Variants in PPP2R2C observed in about 807,000 individuals in gnomAD.
PPP2R2C encodes the protein protein phosphatase 2 regulatory subunit Bgamma, also known as protein phosphatase 2, regulatory subunit B, gamma.
Under a neutral mutation model 45.3 loss-of-function variants are expected in PPP2R2C, and 10 were observed. That is an observed-to-expected ratio of 0.22 (90% CI 0.14 to 0.37). The LOEUF (loss-of-function observed/expected upper bound fraction) is 0.37. Among genes scored for constraint, PPP2R2C ranks in the 10% least tolerant of loss-of-function variants. PPP2R2C has a pLI of 1.00. For missense variants in PPP2R2C, 308 were observed against 619.7 expected (o/e 0.50, Z 5.34); for synonymous variants, 257 against 245.4 (o/e 1.05, Z -0.44).
In PPP2R2C at chr4:6,380,779, C is replaced by T. The variant is rs569415244; in HGVS notation, c.168+218G>A. Among the ~76,000 whole-genome samples the T allele has an allele frequency of 3.9e-4, 59 of 152,120 alleles. 1 individual carries two copies. The highest frequency in any genetic ancestry group is 1.4e-3 in the African/African-American group (57 of 41,414). On this transcript the variant is annotated intron_variant, in intron 2 of 8. Transcript: ENST00000382599. ...GGCATTCCAAAGCATCCCATTCCCACCCCTGGAATCCATGCCCCTGGGAGA... is the reference window on the plus strand; with the variant it reads ...GGCATTCCAAAGCATCCCATTCCCATCCCTGGAATCCATGCCCCTGGGAGA...
At position 6,542,744 on chromosome 4, in the gene PPP2R2C, C is replaced by T. The variant is rs116381154; in HGVS notation, c.-58-7367G>A. On this transcript the variant is annotated intron_variant, in intron 1 of 9. Coordinates refer to the PPP2R2C transcript ENST00000506140. ...AAGAAAAAAAGATCATGCTAGATTA[C>T]TGTGAAAACTTAGAAGAAACAGATA... is the stretch of plus-strand genomic sequence containing the variant. 5.9e-3 allele frequency among the ~76,000 whole-genome samples: 877 copies of T among 149,602 alleles called. 6 individuals carry two copies. The highest frequency in any genetic ancestry group is 0.02 in the African/African-American group (832 of 40,942).
Position 6,534,552 on chromosome 4 carries a change from C to T in PPP2R2C, c.49+719G>A, listed in dbSNP as rs374113168. Among the ~76,000 whole-genome samples the T allele has an allele frequency of 3.2e-4, 48 of 152,056 alleles. No individual in the cohort carries two copies. In the East Asian group the frequency reaches 9.1e-3, roughly 29 times the overall value. On this transcript the variant is annotated intron_variant, in intron 2 of 9. Coordinates refer to the PPP2R2C transcript ENST00000506140. ...ACATCAATACACACACCCCAACATA[C>T]ATGCCCCACCATACAAACACATCAA...
intron 1 of PPP2R2C, among the ~76,000 whole-genome samples, chr4:6,541,494 A>G (rs988318535): frequency 2.5e-4 from 38 of 152,098 alleles, no homozygotes; most frequent in African/African-American, 8.9e-4. Context: ...CAGATCCTCA[A>G]AAACCCTGCC....
At chr4:6,337,112 G>GTGTGTGTATATATATA (rs1202845732) in intron 6 of PPP2R2C, among the ~76,000 whole-genome samples, 1 of 30,120 alleles carries the variant, frequency 3.3e-5, no homozygotes, top group African/African-American at 1.0e-4. Context: ...ATGTGTGTGT[G>GTGTGTGTATATATATA]TATATATATA....
At chr4:6,362,386 T>G (rs1160425418) in intron 5 of PPP2R2C, among the ~76,000 whole-genome samples, 2 of 151,634 alleles carry the variant, frequency 1.3e-5, no homozygotes, top group Admixed American at 6.6e-5. Flanking sequence ...GCCAGGGAGG[T>G]CTGTCAAGAA....
intron 1 of PPP2R2C, among the ~76,000 whole-genome samples, chr4:6,444,005 G>T (rs997231629): frequency 6.6e-6 from 1 of 152,092 alleles, no homozygotes; most frequent in African/African-American, 2.4e-5. Context: ...ACCCAACCAG[G>T]TCCAAACAAC....
chr4:6,493,954 C>A (rs979235846), intron 2 of PPP2R2C, among the ~76,000 whole-genome samples: 1 of 152,222 alleles, frequency 6.6e-6, no homozygotes, highest in East Asian at 1.9e-4. Flanking sequence ...GATGCGTTGG[C>A]CTTTTTTAAT....
intron 1 of PPP2R2C, among the ~76,000 whole-genome samples, chr4:6,463,500 A>G (rs1721434659): frequency 6.6e-6 from 1 of 152,234 alleles, no homozygotes; most frequent in African/African-American, 2.4e-5. Context: ...TCAATGGGAC[A>G]TTCAGCCCTG....
At chr4:6,514,105 C>T (rs1723759786) in intron 2 of PPP2R2C, among the ~76,000 whole-genome samples, 1 of 152,030 alleles carries the variant, frequency 6.6e-6, no homozygotes, top group Non-Finnish European at 1.5e-5. Context: ...AATAATTTAC[C>T]GTCCTTTGAC....
chr4:6,535,146 G>C (rs1422358791), intron 2 of PPP2R2C: 5 of 1,135,556 alleles, frequency 4.4e-6, no homozygotes, highest in Non-Finnish European at 6.3e-6. Flanking sequence ...GGAGGGACCG[G>C]ATCCCAGCAC....
chr4:6,506,786 G>C (rs1002741549), intron 2 of PPP2R2C, among the ~76,000 whole-genome samples: 9 of 152,156 alleles, frequency 5.9e-5, no homozygotes, highest in African/African-American at 1.9e-4. Context: ...TCATCTGAAG[G>C]CCCAACTGGG....
intron 5 of PPP2R2C, chr4:6,351,032 C>T (rs1442115590): frequency 1.0e-6 from 1 of 985,212 alleles, no homozygotes; most frequent in Non-Finnish European, 1.2e-6. Context: ...AGGCCAGGCA[C>T]CAGAGCTCAC....
intron 1 of PPP2R2C, among the ~76,000 whole-genome samples, chr4:6,557,554 C>T (rs1391545935): frequency 1.3e-5 from 2 of 152,084 alleles, no homozygotes; most frequent in South Asian, 2.1e-4. Flanking sequence ...TGGGTTAGCA[C>T]CAGGAGCAGA....
intron 2 of PPP2R2C, among the ~76,000 whole-genome samples, chr4:6,524,579 G>A (rs1724134829): frequency 6.6e-6 from 1 of 152,226 alleles, no homozygotes; most frequent in South Asian, 2.1e-4. Flanking sequence ...CAGCTTGACT[G>A]GTTACAGCTC....
chr4:6,501,291 G>C (rs1487555439), intron 2 of PPP2R2C, among the ~76,000 whole-genome samples: 2 of 152,130 alleles, frequency 1.3e-5, no homozygotes, highest in African/African-American at 4.8e-5. Context: ...TCTGATAGTG[G>C]GACCTGATGG....
rs1415952313 is a variant in PPP2R2C, at chr4:6,368,739, C to G, written c.625+3784G>C. ...CCACCGCCTCCCACCCGTGGCCACGCTCTGGCCCTGCCTCTCACTCTCTCT... is the reference window on the plus strand; with the variant it reads ...CCACCGCCTCCCACCCGTGGCCACGGTCTGGCCCTGCCTCTCACTCTCTCT... On this transcript the variant is annotated intron_variant, in intron 5 of 8. Transcript: ENST00000382599. The surrounding 1 kb of genome is among the most constrained non-coding windows in gnomAD (Gnocchi z 4.2). Among the ~76,000 whole-genome samples the G allele has an allele frequency of 6.6e-6, 1 of 152,168 alleles. No homozygotes were observed. Among genetic ancestry groups the G allele is most frequent in the African/African-American group, 2.4e-5 (1 of 41,444 alleles).
intron 5 of PPP2R2C, among the ~76,000 whole-genome samples, chr4:6,359,852 T>C (rs1713571104): frequency 6.6e-6 from 1 of 152,090 alleles, no homozygotes. Flanking sequence ...ACAGGGCAAA[T>C]CTCTGCTGAC....
At chr4:6,499,716 G>A (rs181002159) in intron 2 of PPP2R2C, among the ~76,000 whole-genome samples, 38 of 148,222 alleles carry the variant, frequency 2.6e-4, no homozygotes, top group Non-Finnish European at 1.3e-4. Context: ...AATATTTAAG[G>A]TATATTTATC....
intron 1 of PPP2R2C, among the ~76,000 whole-genome samples, chr4:6,452,285 T>G (rs12500979): frequency 6.6e-6 from 1 of 151,890 alleles, no homozygotes; most frequent in Non-Finnish European, 1.5e-5. Flanking sequence ...CCTGTGAACA[T>G]TGGCAGTGGA....
Sources: allele counts gnomAD v4.1 joint callset (sites outside exome capture counted in the v4.1 genomes callset), GRCh38; gene constraint gnomAD v4.1.1; non-coding constraint Gnocchi (gnomAD v3.1); transcripts MANE v1.5; gene names NCBI Gene and HGNC (gene_info 2026-07-23, HGNC 2026-07-21).